Variants in ART1 observed in about 807,000 individuals in gnomAD.
ART1 encodes ADP-ribosyltransferase 1, also known as GPI-linked NAD(P)(+)--arginine ADP-ribosyltransferase 1.
ART1 carries 29 observed loss-of-function variants against 27.0 expected under a neutral mutation model. That is an observed-to-expected ratio of 1.08 (90% confidence interval 0.80 to 1.47). The LOEUF is 1.47. Among genes scored for constraint, ART1 ranks in the 40% most tolerant of loss-of-function variants. The probability of loss-of-function intolerance (pLI) is 0.00; values close to 1 mark genes in which losing one functional copy is unlikely to be tolerated. For missense variants in ART1, 480 were observed against 423.0 expected (o/e 1.13, Z -1.18); for synonymous variants, 201 against 172.2 (o/e 1.17, Z -1.31).
chr11:3,657,171 A>T (rs569023203), intron 1 of ART1, among the ~76,000 whole-genome samples: 1 of 152,336 alleles, frequency 6.6e-6, no homozygotes, highest in Non-Finnish European at 1.5e-5. Context: ...CTTGATATTT[A>T]TGTAACATTT....
rs1402259826 is a variant in ART1, at chr11:3,663,035, CA to C, written c.887-1056del. Among the ~76,000 whole-genome samples, 465 of 104,868 alleles carry C rather than the reference CA, an allele frequency of 4.4e-3. 7 individuals carry two copies. The highest frequency in any genetic ancestry group is 0.031 in the Middle Eastern group (7 of 226). 68.8% of individuals were successfully genotyped at this position (104,868 alleles called of 152,430 possible). On this transcript the variant is annotated intron_variant, in intron 4 of 4. Transcript: ENST00000250693. Reference sequence around the variant, plus strand: ...ATCTCATCATCTCATCTCATCTCATCATCTCATCTCATCTCATCTCATCTCA... The same window carrying C: ...ATCTCATCATCTCATCTCATCTCATCTCTCATCTCATCTCATCTCATCTCA...
chr11:3,658,515 T>G (rs2077591840), intron 1 of ART1, among the ~76,000 whole-genome samples: 1 of 152,122 alleles, frequency 6.6e-6, no homozygotes, highest in African/African-American at 2.4e-5. Context: ...ATCCTCTGTC[T>G]TCTCCTGCTC....
Position 3,664,210 on chromosome 11 carries a change from C to T in ART1, c.*21C>T, listed in dbSNP as rs944420905. ...TTTGATGCATGAGACACGGGACAGC[C>T]TCGCCTGCTGCCTCTGCCCATCCTG... On this transcript the variant is annotated 3_prime_UTR_variant, in exon 5 of 5. Coordinates refer to ENST00000250693, the MANE Select transcript of ART1 (RefSeq NM_004314.3). 6.2e-7 allele frequency: 1 copy of T among 1,608,550 alleles called. No homozygotes were observed. The highest frequency in any genetic ancestry group is 8.5e-7 in the Non-Finnish European group (1 of 1,176,180).
intron 1 of ART1, among the ~76,000 whole-genome samples, chr11:3,646,725 T>C (rs1250664889): frequency 6.6e-6 from 1 of 152,232 alleles, no homozygotes; most frequent in African/African-American, 2.4e-5. Context: ...GACTCTCAGA[T>C]GTCTCCTTGA....
chr11:3,647,344 A>C lies in ART1; in HGVS notation c.-53+2165A>C, dbSNP rs117923141. ...TCAAAAAAAACAAAACAAAACAAAAAAAAAAACGAGGCTGGGTGCGGTGGC... is the reference window on the plus strand; with the variant it reads ...TCAAAAAAAACAAAACAAAACAAAACAAAAAACGAGGCTGGGTGCGGTGGC... On this transcript the variant is annotated intron_variant, in intron 1 of 4. Coordinates refer to ENST00000250693, the MANE Select transcript of ART1 (RefSeq NM_004314.3). 1.0e-3 allele frequency among the ~76,000 whole-genome samples: 152 copies of C among 151,308 alleles called. 2 individuals carry two copies. In the East Asian group the frequency reaches 0.015, roughly 15 times the overall value.
At chr11:3,646,953 C>T (rs2077473475) in intron 1 of ART1, among the ~76,000 whole-genome samples, 1 of 152,126 alleles carries the variant, frequency 6.6e-6, no homozygotes, top group Non-Finnish European at 1.5e-5. Context: ...TGCACTTAAA[C>T]ATGTGTAAAG....
In ART1 at chr11:3,659,860, A is replaced by C. The variant is rs781161695; in HGVS notation, c.341A>C (p.His114Pro). The change falls in exon 3 of 5, where the codon CAT becomes CCT. Residue 114 changes from histidine to proline, a missense_variant. His to Pro is a moderately conservative substitution (Grantham distance 77). Transcript: ENST00000250693. ...CCACCCCTGGGCTTCCGCGATGAGC[A>C]TGGGGTGGCCCTCCTGGCCTACACA... ...SPPPLGFRDE[H>P]GVALLAYTAN... is the part of the protein sequence containing the mutation. The C allele has an allele frequency of 1.9e-6, 3 of 1,612,778 alleles. No individual in the cohort carries two copies. The highest frequency in any genetic ancestry group is 2.5e-6 in the Non-Finnish European group (3 of 1,179,662).
chr11:3,664,025 C>T (rs1463012484), intron 4 of ART1, 67 bp from the exon 5 acceptor site: 5 of 1,517,354 alleles, frequency 3.3e-6, no homozygotes, highest in Non-Finnish European at 4.5e-6. Flanking sequence ...ACTTTTGCTC[C>T]TGTGCTCCTA....
In ART1 at chr11:3,660,267, C is replaced by A; in HGVS notation, c.748C>A (p.Gln250Lys). The change falls in exon 3 of 5, where the codon CAA (glutamine) becomes AAA (lysine). Residue 250 changes from glutamine (Q) to lysine (K), a missense_variant. Gln to Lys is a moderately conservative substitution (Grantham distance 53). Transcript: ENST00000250693. ...GCTGATCCCCCCCTTTGAGACCTTC[C>A]AAGTGATCAATGCCAGCAGACTGGC... ...EVLIPPFETF[Q>K]VINASRLAQG... 6.2e-7 allele frequency: 1 copy of A among 1,612,964 alleles called. No homozygotes were observed. The highest frequency in any genetic ancestry group is 8.5e-7 in the Non-Finnish European group (1 of 1,180,002).
chr11:3,648,760 G>A (rs552887598), intron 1 of ART1, among the ~76,000 whole-genome samples: 72 of 152,014 alleles, frequency 4.7e-4, no homozygotes, highest in East Asian at 1.5e-3. Flanking sequence ...CACCCTTAGC[G>A]GCAAGTCCCG....
At chr11:3,648,175 A>G (rs925487012) in intron 1 of ART1, among the ~76,000 whole-genome samples, 2 of 152,010 alleles carry the variant, frequency 1.3e-5, no homozygotes, top group Non-Finnish European at 1.5e-5. Flanking sequence ...CCCAAATCCT[A>G]TAAAACGGCC....
chr11:3,653,151 C>A (rs1240365228), intron 1 of ART1, among the ~76,000 whole-genome samples: 1 of 148,398 alleles, frequency 6.7e-6, no homozygotes, highest in Admixed American at 6.6e-5. Context: ...CTCCACACCA[C>A]CCCCAAAAAT....
In ART1 at chr11:3,653,007, C is replaced by T. The variant is rs941492001; in HGVS notation, c.-52-6155C>T. On this transcript the variant is annotated intron_variant, in intron 1 of 4. Transcript: ENST00000250693. The stretch of plus-strand genomic sequence containing the variant: ...CCAGGCCATCACCAATAATTCTACA[C>T]GACAAATGTTTCTTCTAACAACCCC... Among the ~76,000 whole-genome samples, 71 of 147,718 alleles carry T rather than the reference C, an allele frequency of 4.8e-4. 8 individuals are homozygous for T. The highest frequency in any genetic ancestry group is 1.4e-3 in the African/African-American group (55 of 37,956).
intron 1 of ART1, among the ~76,000 whole-genome samples, chr11:3,656,324 A>G (rs996425032): frequency 1.3e-5 from 2 of 152,114 alleles, no homozygotes; most frequent in Non-Finnish European, 2.9e-5. Flanking sequence ...TGTTGGGACT[A>G]CAGATATGCA....
intron 1 of ART1, among the ~76,000 whole-genome samples, chr11:3,652,634 A>G (rs1040396512): frequency 1.3e-5 from 2 of 152,082 alleles, no homozygotes; most frequent in African/African-American, 4.8e-5. Flanking sequence ...TCCAGACACC[A>G]GACCAACTTA....
chr11:3,653,503 C>T (rs2077544586), intron 1 of ART1, among the ~76,000 whole-genome samples: 1 of 151,100 alleles, frequency 6.6e-6, no homozygotes, highest in African/African-American at 2.5e-5. Flanking sequence ...TACCCAAATC[C>T]TATAAAACGG....
chr11:3,648,418 G>A (rs918761153), intron 1 of ART1, among the ~76,000 whole-genome samples: 6 of 152,182 alleles, frequency 3.9e-5, no homozygotes, highest in Middle Eastern at 6.8e-3. Flanking sequence ...TCCTCAGACC[G>A]ACCAGCGCAA....
At chr11:3,651,966 T>C (rs2133951296) in intron 1 of ART1, among the ~76,000 whole-genome samples, 1 of 151,590 alleles carries the variant, frequency 6.6e-6, no homozygotes, top group African/African-American at 2.4e-5. Flanking sequence ...AAAGGCAGGC[T>C]ATGCTATAGA....
At chr11:3,663,088 CA>C (rs1364312207) in intron 4 of ART1, among the ~76,000 whole-genome samples, 398 of 52,958 alleles carry the variant, frequency 7.5e-3, no homozygotes, top group East Asian at 0.015. Flanking sequence ...CATCTCATCT[CA>C]TCATCTCATC....
Sources: gnomAD v4.1 joint callset for allele counts (sites outside exome capture counted in the v4.1 genomes callset) on GRCh38, gnomAD v4.1.1 for gene constraint, MANE v1.5 for transcripts, NCBI Gene and HGNC (gene_info 2026-07-23, HGNC 2026-07-21) for gene names.